Variants in ADK observed in about 807,000 individuals in gnomAD.
ADK encodes adenosine kinase.
In ADK, 24 loss-of-function variants were observed where a neutral mutation model predicts 44.7. That is an observed-to-expected ratio of 0.54 (90% confidence interval 0.39 to 0.76). The LOEUF is 0.76. Among genes scored for constraint, ADK ranks in the 30% least tolerant of loss-of-function variants. The pLI is 0.00. For missense variants in ADK, 321 were observed against 425.1 expected, an observed-to-expected ratio of 0.76 and a Z score of 2.15; for synonymous variants, 128 against 142.6, an observed-to-expected ratio of 0.90 and a Z score of 0.73.
intron 4 of ADK, among the ~76,000 whole-genome samples, chr10:74,339,166 GCCCAGGCTGGTCTCAGTCT>G (rs940874150): frequency 1.3e-5 from 2 of 151,994 alleles, no homozygotes; most frequent in African/African-American, 4.8e-5. Flanking sequence ...TCACCATGTT[GCCCAGGCTGGTCTCAGTCT>G]CCTGGCTTCA....
At chr10:74,485,807 T>C (rs1020788162) in intron 6 of ADK, among the ~76,000 whole-genome samples, 1 of 152,200 alleles carries the variant, frequency 6.6e-6, no homozygotes, top group African/African-American at 2.4e-5. Context: ...GTTTTAAAGA[T>C]GTTTATTTAT....
At chr10:74,176,598 G>A in intron 1 of ADK, 1 of 1,381,340 alleles carries the variant, frequency 7.2e-7, no homozygotes, top group East Asian at 2.8e-5. Context: ...CATCTCGCTA[G>A]CCCGCGCGCC....
chr10:74,535,096 G>A (rs1849406750), intron 7 of ADK, among the ~76,000 whole-genome samples: 1 of 152,172 alleles, frequency 6.6e-6, no homozygotes, highest in South Asian at 2.1e-4. Context: ...ATTAAAGGCA[G>A]TAAAAAGCTG....
intron 6 of ADK, among the ~76,000 whole-genome samples, chr10:74,415,527 A>C (rs1215612454): frequency 6.6e-6 from 1 of 152,180 alleles, no homozygotes; most frequent in African/African-American, 2.4e-5. Context: ...GTTTAATATG[A>C]TTTACCCCAC....
intron 9 of ADK, among the ~76,000 whole-genome samples, chr10:74,603,825 ACT>A (rs1318122285): frequency 9.2e-5 from 14 of 152,198 alleles, no homozygotes; most frequent in African/African-American, 2.9e-4. Flanking sequence ...GAATCGCCAC[ACT>A]GTTTTCCACA....
chr10:74,642,357 CAA>C (rs1358685119), intron 9 of ADK, among the ~76,000 whole-genome samples: 5 of 113,806 alleles, frequency 4.4e-5, no homozygotes, highest in African/African-American at 2.3e-4. Flanking sequence ...TTGATGCACT[CAA>C]TTTTTTTTTT....
chr10:74,532,919 C>CAAAAA (rs35774493), intron 7 of ADK, among the ~76,000 whole-genome samples: 1 of 75,502 alleles, frequency 1.3e-5, no homozygotes, highest in African/African-American at 5.6e-5. Context: ...GACTCTGTCT[C>CAAAAA]AAAAAAAAAA....
At chr10:74,312,942 T>TAAAAAAAAAAAAAAA (rs1554841587) in intron 3 of ADK, among the ~76,000 whole-genome samples, 1 of 53,360 alleles carries the variant, frequency 1.9e-5, no homozygotes, top group African/African-American at 5.4e-5. Context: ...AAAAAAAAAG[T>TAAAAAAAAAAAAAAA]TAATGTTTTT....
At chr10:74,208,733 TA>T (rs1159978238) in intron 2 of ADK, among the ~76,000 whole-genome samples, 4 of 151,796 alleles carry the variant, frequency 2.6e-5, no homozygotes, top group African/African-American at 4.8e-5. Flanking sequence ...TTTATTTTTT[TA>T]TTTTTTTATT....
intron 7 of ADK, among the ~76,000 whole-genome samples, chr10:74,583,405 A>G (rs1851433220): frequency 1.3e-5 from 2 of 152,240 alleles, no homozygotes; most frequent in Admixed American, 1.3e-4. Flanking sequence ...TAAAACTTCA[A>G]ATAAATTTCA....
chr10:74,613,389 A>T (rs1429543810), intron 9 of ADK, among the ~76,000 whole-genome samples: 1 of 152,096 alleles, frequency 6.6e-6, no homozygotes, highest in African/African-American at 2.4e-5. Flanking sequence ...TTAACAGCTA[A>T]GGGTCTAGTT....
chr10:74,171,733 G>A (rs1293982514), intron 1 of ADK, among the ~76,000 whole-genome samples: 3 of 151,968 alleles, frequency 2.0e-5, no homozygotes, highest in African/African-American at 7.3e-5. Context: ...AAATTGTTTA[G>A]AAAATTGATC....
At chr10:74,577,846 A>G (rs1475646196) in intron 7 of ADK, among the ~76,000 whole-genome samples, 1 of 152,212 alleles carries the variant, frequency 6.6e-6, no homozygotes, top group African/African-American at 2.4e-5. Flanking sequence ...ATATTCATCT[A>G]GAACATCTCA....
At chr10:74,345,312 T>C (rs1385072989) in intron 4 of ADK, among the ~76,000 whole-genome samples, 1 of 152,066 alleles carries the variant, frequency 6.6e-6, no homozygotes, top group Non-Finnish European at 1.5e-5. Flanking sequence ...GTATCTTTTT[T>C]TTTTTTCCCA....
chr10:74,684,687 G>A lies in ADK; in HGVS notation c.964+14418G>A, dbSNP rs145133819. Among the ~76,000 whole-genome samples the A allele has an allele frequency of 1.5e-3, 221 of 152,174 alleles. 4 individuals carry two copies. The highest frequency in any genetic ancestry group is 5.0e-3 in the African/African-American group (206 of 41,522). The stretch of plus-strand genomic sequence containing the variant: ...CTCAGGAGGCCAAAGTGGGAGGATC[G>A]CTTGAGCTCAGGAGGTCAAGGCTGC... On this transcript the variant is annotated intron_variant, in intron 10 of 10. Coordinates refer to ENST00000539909, the MANE Select transcript of ADK (RefSeq NM_006721.4).
chr10:74,601,503 T>C (rs1852119162), intron 9 of ADK, among the ~76,000 whole-genome samples: 1 of 152,084 alleles, frequency 6.6e-6, no homozygotes, highest in South Asian at 2.1e-4. Context: ...TTCAGAGATT[T>C]GTTTCAAAAA....
rs531289943 is a variant in ADK at position 74,371,522 on chromosome 10, G to A, written c.274-22619G>A. The A allele has an allele frequency of 3.5e-4, 294 of 847,252 alleles. 6 individuals are homozygous for A. The South Asian group carries it at 3.7e-3, about 11-fold the overall frequency. The allele number at this position is 847,252 out of a possible 1,614,324, so 52.5% of individuals were successfully genotyped here. A position where few individuals can be genotyped will look rare whatever the true frequency, so the allele number is the denominator to read the frequency against. ...CTGGATTCCCATCGTAGCTTAAAGCGAAACTTTTCACCATGTCTGGAGCCC... is the reference window on the plus strand; with the variant it reads ...CTGGATTCCCATCGTAGCTTAAAGCAAAACTTTTCACCATGTCTGGAGCCC... On this transcript the variant is annotated intron_variant, in intron 4 of 10. Coordinates refer to ENST00000539909, the MANE Select transcript of ADK (RefSeq NM_006721.4).
intron 4 of ADK, among the ~76,000 whole-genome samples, chr10:74,317,013 A>T (rs1009018130): frequency 7.2e-5 from 11 of 152,266 alleles, no homozygotes; most frequent in African/African-American, 2.4e-4. Flanking sequence ...ATTCTGTCAG[A>T]TCTTACTAGT....
chr10:74,299,683 T>C (rs1337662102), intron 3 of ADK, among the ~76,000 whole-genome samples: 1 of 151,580 alleles, frequency 6.6e-6, no homozygotes, highest in Non-Finnish European at 1.5e-5. Flanking sequence ...TGTGAAACTA[T>C]AAGGTTGTAA....
Sources: allele counts gnomAD v4.1 joint callset (sites outside exome capture counted in the v4.1 genomes callset), GRCh38; gene constraint gnomAD v4.1.1; transcripts MANE v1.5; gene names NCBI Gene and HGNC (gene_info 2026-07-23, HGNC 2026-07-21).